WLS: variants seen among roughly 807,000 people sequenced by gnomAD.
WLS encodes the protein protein wntless homolog.
In WLS, 23 loss-of-function variants were observed where a neutral mutation model predicts 62.8. The ratio of observed to expected loss-of-function variants is 0.37; its 90% CI spans 0.26 to 0.52. The LOEUF (loss-of-function observed/expected upper bound fraction) is 0.52, where lower values mean the gene tolerates loss of function less well. Among genes scored for constraint, WLS ranks in the 20% least tolerant of loss-of-function variants. WLS has a pLI of 0.92. For missense variants in WLS, 615 were observed against 697.3 expected, an observed-to-expected ratio of 0.88 and a Z score of 1.33; for synonymous variants, 246 against 244.1, an observed-to-expected ratio of 1.01 and a Z score of -0.07.
At chr1:68,230,166 A>G (rs1425842270) in intron 1 of WLS, among the ~76,000 whole-genome samples, 5 of 152,142 alleles carry the variant, frequency 3.3e-5, no homozygotes, top group African/African-American at 4.8e-5. Flanking sequence ...TACTTCTTGG[A>G]TAATGGGCTC....
At chr1:68,230,570 C>CGTGTGT (rs112351005) in intron 1 of WLS, among the ~76,000 whole-genome samples, 4 of 118,586 alleles carry the variant, frequency 3.4e-5, no homozygotes, top group African/African-American at 1.2e-4. Context: ...AAAGCCAACC[C>CGTGTGT]GTGTGTGTGT....
chr1:68,210,565 A>G (rs1198139162), intron 1 of WLS, among the ~76,000 whole-genome samples: 2 of 152,222 alleles, frequency 1.3e-5, no homozygotes, highest in Non-Finnish European at 1.5e-5. Flanking sequence ...TAAAATAGAA[A>G]GATCCTAACA....
intron 11 of WLS, among the ~76,000 whole-genome samples, chr1:68,112,195 T>C (rs1646236605): frequency 6.6e-6 from 1 of 152,194 alleles, no homozygotes; most frequent in African/African-American, 2.4e-5. Flanking sequence ...CATAGATTGA[T>C]GAGAGGAGTG....
chr1:68,101,495 G>A (rs537958674), intron 11 of WLS, among the ~76,000 whole-genome samples: 1 of 152,272 alleles, frequency 6.6e-6, no homozygotes, highest in African/African-American at 2.4e-5. Context: ...AGTCCCGATA[G>A]GATCACATGA....
At chr1:68,159,495 G>T (rs967042859) in intron 2 of WLS, among the ~76,000 whole-genome samples, 1 of 151,628 alleles carries the variant, frequency 6.6e-6, no homozygotes, top group African/African-American at 2.4e-5. Flanking sequence ...AGAGACAGGG[G>T]CCTCACTCTC....
rs566301130 is a variant in WLS at position 68,144,474 on chromosome 1, C to T, written c.1362+95G>A. Reference sequence around the variant, plus strand: ...CCAGCTGTCCAGAATTATGGCCTCTCTCCTCCTTTCCTCAGTGGCTCTATT... The same window carrying T: ...CCAGCTGTCCAGAATTATGGCCTCTTTCCTCCTTTCCTCAGTGGCTCTATT... On this transcript the variant is annotated intron_variant, in intron 10 of 11. Coordinates refer to ENST00000262348, the MANE Select transcript of WLS (RefSeq NM_024911.7). 36 of 1,248,876 alleles carry T rather than the reference C, an allele frequency of 2.9e-5. No homozygotes were observed. In the South Asian group the frequency reaches 5.2e-4, roughly 18 times the overall value. 77.4% of individuals were successfully genotyped at this position (1,248,876 alleles called of 1,614,324 possible).
chr1:68,104,888 A>G (rs1052786315), intron 11 of WLS, among the ~76,000 whole-genome samples: 22 of 152,248 alleles, frequency 1.4e-4, no homozygotes. Flanking sequence ...CCTCTGCACT[A>G]CAACCTGGGC....
intron 2 of WLS, among the ~76,000 whole-genome samples, chr1:68,192,100 A>G (rs1056231661): frequency 4.6e-5 from 7 of 152,238 alleles, no homozygotes; most frequent in African/African-American, 1.7e-4. Context: ...TTCAGCTAAC[A>G]GCAGAATGCC....
chr1:68,183,782 G>T (rs901891661), intron 2 of WLS, among the ~76,000 whole-genome samples: 6 of 151,912 alleles, frequency 3.9e-5, no homozygotes, highest in Admixed American at 2.0e-4. Flanking sequence ...ATTCTCCCAG[G>T]ACACTCAGCC....
chr1:68,129,555 G>A (rs1356421176), intron 11 of WLS, among the ~76,000 whole-genome samples: 2 of 152,086 alleles, frequency 1.3e-5, no homozygotes, highest in Non-Finnish European at 2.9e-5. Flanking sequence ...TGCTGGATGA[G>A]GACCCAGATA....
intron 1 of WLS, among the ~76,000 whole-genome samples, chr1:68,203,640 C>A (rs1285809264): frequency 2.6e-5 from 4 of 152,296 alleles, no homozygotes; most frequent in African/African-American, 9.6e-5. Context: ...CTTCATATTG[C>A]AGGTAGGCAG....
intron 11 of WLS, among the ~76,000 whole-genome samples, chr1:68,110,651 A>ATCTCTCTCTCTCTCTCTCTC (rs752431176): frequency 2.5e-4 from 32 of 126,226 alleles, no homozygotes; most frequent in African/African-American, 9.5e-4. Flanking sequence ...GCCCCCAAAA[A>ATCTCTCTCTCTCTCTCTCTC]TCTCTGTCTC....
At chr1:68,166,589 G>A (rs558415577) in intron 2 of WLS, among the ~76,000 whole-genome samples, 1 of 152,268 alleles carries the variant, frequency 6.6e-6, no homozygotes, top group South Asian at 2.1e-4. Flanking sequence ...GCTGAATCAA[G>A]CATACTTGGT....
At chr1:68,181,518 T>A (rs1361870644) in intron 2 of WLS, among the ~76,000 whole-genome samples, 1 of 152,190 alleles carries the variant, frequency 6.6e-6, no homozygotes, top group East Asian at 1.9e-4. Flanking sequence ...GAAATACTGA[T>A]TGGGAGATTT....
intron 1 of WLS, among the ~76,000 whole-genome samples, chr1:68,196,657 T>C (rs1374610857): frequency 3.3e-5 from 5 of 152,156 alleles, no homozygotes; most frequent in African/African-American, 9.6e-5. Context: ...GTTAGGACAA[T>C]GCCTATTAAT....
chr1:68,107,508 C>T (rs1482651665), intron 11 of WLS, among the ~76,000 whole-genome samples: 1 of 152,172 alleles, frequency 6.6e-6, no homozygotes, highest in Non-Finnish European at 1.5e-5. Context: ...AACCTCTTTG[C>T]CTCAGTATCC....
At chr1:68,185,779 C>T (rs1188819257) in intron 2 of WLS, among the ~76,000 whole-genome samples, 1 of 152,208 alleles carries the variant, frequency 6.6e-6, no homozygotes, top group Non-Finnish European at 1.5e-5. Context: ...GGGTGCCATG[C>T]TCCGGGAACC....
chr1:68,213,238 GT>G (rs1225307126), intron 1 of WLS, among the ~76,000 whole-genome samples: 3 of 152,030 alleles, frequency 2.0e-5, no homozygotes, highest in Admixed American at 1.3e-4. Context: ...ATCACCTGAG[GT>G]CAGAAGTTCA....
chr1:68,162,014 C>T (rs1570921714), intron 2 of WLS: 1 of 1,594,114 alleles, frequency 6.3e-7, no homozygotes, highest in South Asian at 1.1e-5. Context: ...ACAGAGAATT[C>T]CTTGTTCACA....
Sources: allele counts gnomAD v4.1 joint callset (sites outside exome capture counted in the v4.1 genomes callset), GRCh38; gene constraint gnomAD v4.1.1; transcripts MANE v1.5; gene names NCBI Gene and HGNC (gene_info 2026-07-23, HGNC 2026-07-21).